Variants in HEATR5B observed in about 807,000 individuals in gnomAD.
The protein encoded by HEATR5B is HEAT repeat-containing protein 5B.
Under a neutral mutation model 224.1 loss-of-function variants are expected in HEATR5B, and 156 were observed. That is an observed-to-expected ratio of 0.70 (90% CI 0.61 to 0.80). HEATR5B has a LOEUF of 0.80. Ranked by LOEUF, HEATR5B falls within the 30% of genes least tolerant of loss-of-function variation. HEATR5B has a pLI of 0.00. For missense variants in HEATR5B, 2,323 were observed against 2,535.5 expected (o/e 0.92, Z 1.80); for synonymous variants, 1,027 against 893.0 (o/e 1.15, Z -2.68).
chr2:37,038,265 G>C (rs1467645078), intron 20 of HEATR5B, among the ~76,000 whole-genome samples: 1 of 151,958 alleles, frequency 6.6e-6, no homozygotes, highest in Non-Finnish European at 1.5e-5. Flanking sequence ...TCAGCCTCTG[G>C]AGTAGCTGGG....
Position 36,993,910 on chromosome 2 carries a change from T to C in HEATR5B, c.5546-3111A>G, listed in dbSNP as rs78528736. On this transcript the variant is annotated intron_variant, in intron 33 of 35. Transcript: ENST00000233099. ...GTATTCTTCAACAACATTAATGTTATGAAAGACAAAGGCTGAGGAACTGCC... is the reference window on the plus strand; with the variant it reads ...GTATTCTTCAACAACATTAATGTTACGAAAGACAAAGGCTGAGGAACTGCC... Among the ~76,000 whole-genome samples, 10 of 151,996 alleles carry C rather than the reference T, an allele frequency of 6.6e-5. No homozygotes were observed. In the South Asian group the frequency reaches 2.1e-3, roughly 31 times the overall value.
chr2:36,991,910 C>G (rs1393954221), intron 33 of HEATR5B, among the ~76,000 whole-genome samples: 1 of 152,116 alleles, frequency 6.6e-6, no homozygotes, highest in Non-Finnish European at 1.5e-5. Flanking sequence ...AGTCCATTAA[C>G]TTAATGTAAA....
At chr2:37,062,635 C>A (rs151309399) in intron 10 of HEATR5B, among the ~76,000 whole-genome samples, 1 of 152,310 alleles carries the variant, frequency 6.6e-6, no homozygotes, top group Non-Finnish European at 1.5e-5. Flanking sequence ...ACTGGTAAAA[C>A]AGAAATAATA....
intron 12 of HEATR5B, among the ~76,000 whole-genome samples, 184 bp from the exon 13 acceptor site, chr2:37,059,171 A>G (rs956221838): frequency 2.6e-5 from 4 of 151,850 alleles, no homozygotes; most frequent in Non-Finnish European, 4.4e-5. Context: ...GGAAAAGGCT[A>G]GAAAAAAGGT....
intron 18 of HEATR5B, among the ~76,000 whole-genome samples, chr2:37,042,314 T>C (rs1456006561): frequency 1.3e-5 from 2 of 152,228 alleles, no homozygotes; most frequent in African/African-American, 4.8e-5. Context: ...GAACTATACA[T>C]GGATTTCAAC....
chr2:37,016,038 A>G (rs1399648691), intron 26 of HEATR5B, among the ~76,000 whole-genome samples: 2 of 152,096 alleles, frequency 1.3e-5, no homozygotes, highest in Non-Finnish European at 2.9e-5. Flanking sequence ...AATGGAGCCA[A>G]GGGAAGAGTT....
chr2:36,998,809 CAT>C (rs1355531890), intron 33 of HEATR5B, among the ~76,000 whole-genome samples: 16 of 151,880 alleles, frequency 1.1e-4, no homozygotes, highest in Admixed American at 7.9e-4. Context: ...ATATATTGCT[CAT>C]AGTTATCTTA....
Position 37,058,444 on chromosome 2 carries a change from A to C in HEATR5B, c.2059+7T>G. 3.9e-6 allele frequency: 6 copies of C among 1,552,734 alleles called. No individual in the cohort carries two copies. The highest frequency in any genetic ancestry group is 5.3e-6 in the Non-Finnish European group (6 of 1,125,198). ...TTTTTATCAGATACCACAAATTTTT[A>C]ATTTACCTTCATAAGTTTTTGGAGG... On this transcript the variant is annotated splice_region_variant and intron_variant, in intron 14 of 35. Transcript: ENST00000233099.
At chr2:37,047,833 G>C (rs991184515) in intron 18 of HEATR5B, among the ~76,000 whole-genome samples, 2 of 152,196 alleles carry the variant, frequency 1.3e-5, no homozygotes, top group East Asian at 3.9e-4. Flanking sequence ...GGCTGTGAAA[G>C]ACTGAAGTTT....
chr2:37,081,327 C>T (rs892514639), intron 2 of HEATR5B, among the ~76,000 whole-genome samples: 4 of 152,064 alleles, frequency 2.6e-5, no homozygotes, highest in African/African-American at 4.8e-5. Context: ...CCCATTAACT[C>T]GTCATTTACA....
At chr2:37,001,262 CT>C (rs1462888541) in intron 32 of HEATR5B, among the ~76,000 whole-genome samples, 1 of 152,098 alleles carries the variant, frequency 6.6e-6, no homozygotes, top group Non-Finnish European at 1.5e-5. Context: ...AAAAGGACTA[CT>C]GGGGCAAGGA....
intron 2 of HEATR5B, among the ~76,000 whole-genome samples, chr2:37,080,681 G>C (rs959428107): frequency 6.6e-6 from 1 of 151,970 alleles, no homozygotes; most frequent in Non-Finnish European, 1.5e-5. Context: ...AGATAAGAAA[G>C]AGGTGGAGTA....
At chr2:37,080,971 T>A (rs1199970806) in intron 2 of HEATR5B, among the ~76,000 whole-genome samples, 2 of 152,210 alleles carry the variant, frequency 1.3e-5, no homozygotes, top group Non-Finnish European at 2.9e-5. Context: ...CAGATATTCA[T>A]ATTATGCTTC....
At chr2:36,988,922 A>T in intron 34 of HEATR5B, 63 bp from the exon 35 acceptor site, 2 of 1,215,456 alleles carry the variant, frequency 1.6e-6, no homozygotes, top group South Asian at 2.5e-5. Context: ...CTACAATCAC[A>T]TTGCATCTTA....
At chr2:36,993,848 T>C (rs1394707881) in intron 33 of HEATR5B, among the ~76,000 whole-genome samples, 1 of 152,022 alleles carries the variant, frequency 6.6e-6, no homozygotes, top group Non-Finnish European at 1.5e-5. Flanking sequence ...AATTAGACAA[T>C]TCTAAACTGA....
chr2:37,053,356 G>A (rs947339107), intron 17 of HEATR5B, 146 bp downstream of exon 17: 1 of 421,890 alleles, frequency 2.4e-6, no homozygotes, highest in African/African-American at 2.0e-5. Flanking sequence ...CTAACATAAA[G>A]TTTCAAGTAA....
chr2:37,067,307 C>T (rs568724293), intron 8 of HEATR5B, among the ~76,000 whole-genome samples: 10 of 152,154 alleles, frequency 6.6e-5, no homozygotes, highest in South Asian at 4.1e-4. Flanking sequence ...CCATTTGACG[C>T]GGTGTTTCTG....
At chr2:37,072,431 G>T in intron 5 of HEATR5B, 150 bp from the exon 6 acceptor site, 1 of 559,962 alleles carries the variant, frequency 1.8e-6, no homozygotes, top group Non-Finnish European at 3.1e-6. Context: ...CTGGACATCA[G>T]GCAATGAAGC....
At chr2:37,049,367 A>G (rs891720092) in intron 18 of HEATR5B, among the ~76,000 whole-genome samples, 2 of 152,214 alleles carry the variant, frequency 1.3e-5, no homozygotes, top group African/African-American at 4.8e-5. Flanking sequence ...TTCAGTGAAT[A>G]CACATAACAG....
Sources: gnomAD v4.1 joint callset for allele counts (sites outside exome capture counted in the v4.1 genomes callset) on GRCh38, gnomAD v4.1.1 for gene constraint, MANE v1.5 for transcripts, NCBI Gene and HGNC (gene_info 2026-07-23, HGNC 2026-07-21) for gene names.